The following SEPTIN9 variants were observed in gnomAD, a reference collection of about 807,000 sequenced individuals.
SEPTIN9 encodes the protein septin-9.
In SEPTIN9, 13 loss-of-function variants were observed where a neutral mutation model predicts 56.6. That is an observed-to-expected ratio of 0.23 (90% CI 0.15 to 0.37). SEPTIN9 has a LOEUF of 0.37. SEPTIN9 is among the 10% of genes least tolerant of loss of function. The pLI is 1.00. For missense variants in SEPTIN9, 650 were observed against 823.1 expected, an observed-to-expected ratio of 0.79 and a Z score of 2.57; for synonymous variants, 332 against 334.1, an observed-to-expected ratio of 0.99 and a Z score of 0.07.
rs967105525 is a variant in SEPTIN9 at position 77,492,337 on chromosome 17, G to T, written c.1381-284G>T. Among the ~76,000 whole-genome samples the T allele has an allele frequency of 6.6e-6, 1 of 152,116 alleles. No homozygotes were observed. The highest frequency in any genetic ancestry group is 2.1e-4 in the South Asian group (1 of 4,828). Reference sequence around the variant, plus strand: ...TCTCGGTAACCCTGAGTACTTTCTTGGGGCTGTGATGAGCAGGAGAAGAGA... The same window carrying T: ...TCTCGGTAACCCTGAGTACTTTCTTTGGGCTGTGATGAGCAGGAGAAGAGA... On this transcript the variant is annotated intron_variant, in intron 8 of 11. Transcript: ENST00000427177. This position sits in a 1 kb window ranked among gnomAD's most constrained non-coding sequence, Gnocchi z 5.4.
Position 77,436,318 on chromosome 17 carries a change from T to C in SEPTIN9, c.721+33615T>C. Among the ~76,000 whole-genome samples the C allele has an allele frequency of 6.6e-6, 1 of 152,184 alleles. No individual in the cohort carries two copies. The highest frequency in any genetic ancestry group is 1.9e-4 in the East Asian group (1 of 5,188). On this transcript the variant is annotated intron_variant, in intron 3 of 11. Coordinates refer to ENST00000427177, the MANE Select transcript of SEPTIN9 (RefSeq NM_001113491.2). This position sits in a 1 kb window ranked among gnomAD's most constrained non-coding sequence, Gnocchi z 4.4. ...ACAGTCCCCTCTGAGCCACCCTGCA[T>C]GTTTCATTCCACCGACTTCTGCAGC...
At chr17:77,363,211 G>A (rs1348824632) in intron 2 of SEPTIN9, among the ~76,000 whole-genome samples, 1 of 152,114 alleles carries the variant, frequency 6.6e-6, no homozygotes, top group African/African-American at 2.4e-5. Context: ...CCTGGGGAAG[G>A]CACGAGTCAG....
chr17:77,467,112 T>C (rs937843002), intron 3 of SEPTIN9, among the ~76,000 whole-genome samples: 3 of 152,244 alleles, frequency 2.0e-5, no homozygotes, highest in Non-Finnish European at 4.4e-5. Flanking sequence ...AGGCTTTTCA[T>C]GCAGGACGGC....
At position 77,450,137 on chromosome 17, in the gene SEPTIN9, A is replaced by G. The variant is rs920266205; in HGVS notation, c.722-32007A>G. ...TGAGGGTGGGGAGGGCCGTGGGACC[A>G]GGAGGCCTTAGGGGGAAAGTTGGCC... is the stretch of plus-strand genomic sequence containing the variant. On this transcript the variant is annotated intron_variant, in intron 3 of 11. Transcript: ENST00000427177. The surrounding 1 kb of genome is among the most constrained non-coding windows in gnomAD (Gnocchi z 6.0). Among the ~76,000 whole-genome samples the G allele has an allele frequency of 1.3e-5, 2 of 152,160 alleles. No individual in the cohort carries two copies. The highest frequency in any genetic ancestry group is 3.2e-3 in the Middle Eastern group (1 of 316).
intron 3 of SEPTIN9, among the ~76,000 whole-genome samples, chr17:77,473,870 G>C (rs2039105976): frequency 6.6e-6 from 1 of 152,208 alleles, no homozygotes; most frequent in African/African-American, 2.4e-5. Flanking sequence ...TTATGGTCCT[G>C]GTCCACTAGG....
intron 4 of SEPTIN9, 62 bp downstream of exon 4, chr17:77,482,397 G>A (rs771470984): frequency 1.7e-5 from 27 of 1,549,160 alleles, no homozygotes; most frequent in East Asian, 6.8e-5. Context: ...CCCCCAGGGC[G>A]GCCCACAAGC....
chr17:77,282,405 A>G (rs1267077426), intron 1 of SEPTIN9, among the ~76,000 whole-genome samples: 2 of 152,080 alleles, frequency 1.3e-5, no homozygotes, highest in African/African-American at 4.8e-5. Context: ...CTAAATCTAG[A>G]AACCGTTTGT....
rs1345875612 is a variant in SEPTIN9 at position 77,402,188 on chromosome 17, A to G, written c.206A>G (p.Lys69Arg). The G allele has an allele frequency of 5.0e-6, 8 of 1,613,638 alleles. No individual in the cohort carries two copies. In the African/African-American group the frequency reaches 1.1e-4, roughly 22 times the overall value. ...CAGAAATTCCAGGACCTGGGCGTGAAGAACTCAGAACCCTCGGCCCGCCAT... is the reference window on the plus strand; with the variant it reads ...CAGAAATTCCAGGACCTGGGCGTGAGGAACTCAGAACCCTCGGCCCGCCAT... ...STQKFQDLGV[K>R]NSEPSARHVD... The change falls in exon 3 of 12, where the codon AAG becomes AGG. Residue 69 changes from lysine to arginine, a missense_variant. Physicochemically the swap from Lys to Arg is conservative, Grantham distance 26 (BLOSUM62 2). Coordinates refer to ENST00000427177, the MANE Select transcript of SEPTIN9 (RefSeq NM_001113491.2). The surrounding 1 kb of genome is among the most constrained non-coding windows in gnomAD (Gnocchi z 6.6).
chr17:77,457,642 G>A (rs2038273919), intron 3 of SEPTIN9, among the ~76,000 whole-genome samples: 1 of 152,236 alleles, frequency 6.6e-6, no homozygotes, highest in African/African-American at 2.4e-5. Flanking sequence ...ACAGCCGATA[G>A]TGGTGGAAAC....
At chr17:77,336,781 C>T (rs892133151) in intron 2 of SEPTIN9, among the ~76,000 whole-genome samples, 8 of 152,060 alleles carry the variant, frequency 5.3e-5, no homozygotes, top group Middle Eastern at 3.4e-3. Context: ...TAGTGGACAT[C>T]CTTGCCTGTG....
At chr17:77,346,689 C>A (rs937009808) in intron 2 of SEPTIN9, among the ~76,000 whole-genome samples, 2 of 152,058 alleles carry the variant, frequency 1.3e-5, no homozygotes, top group African/African-American at 4.8e-5. Flanking sequence ...CTGATTAGGT[C>A]AATTGCTAGT....
chr17:77,451,492 C>G lies in SEPTIN9; in HGVS notation c.722-30652C>G, dbSNP rs983932005. The G allele has an allele frequency of 2.1e-5, 21 of 985,686 alleles. No individual in the cohort carries two copies. The highest frequency in any genetic ancestry group is 9.4e-5 in the South Asian group (2 of 21,302). 61.1% of individuals were successfully genotyped at this position (985,686 alleles called of 1,614,324 possible). On this transcript the variant is annotated intron_variant, in intron 3 of 11. Coordinates refer to ENST00000427177, the MANE Select transcript of SEPTIN9 (RefSeq NM_001113491.2). The surrounding 1 kb of genome is among the most constrained non-coding windows in gnomAD (Gnocchi z 4.2). ...GACCCGGTGGGCGGGCCGCGGCTCT[C>G]GGCGCGTCCAGCGCAGCCCGACGTT...
chr17:77,321,719 C>T (rs1230188320), intron 2 of SEPTIN9, among the ~76,000 whole-genome samples: 3 of 152,192 alleles, frequency 2.0e-5, no homozygotes, highest in Non-Finnish European at 4.4e-5. Context: ...CACGTTGGGA[C>T]TGGTGGAGCG....
rs2039820664 is a variant in SEPTIN9, at chr17:77,487,006, C to G, written c.914-418C>G. Among the ~76,000 whole-genome samples the G allele has an allele frequency of 6.6e-6, 1 of 152,192 alleles. No individual in the cohort carries two copies. Among genetic ancestry groups the G allele is most frequent in the African/African-American group, 2.4e-5 (1 of 41,436 alleles). ...ACACCTGGGCTTTGGTTGCAACCAC[C>G]CTGGTGAACTGCAGGAATCCCGGCC... On this transcript the variant is annotated intron_variant, in intron 4 of 11. Coordinates refer to ENST00000427177, the MANE Select transcript of SEPTIN9 (RefSeq NM_001113491.2). This position sits in a 1 kb window ranked among gnomAD's most constrained non-coding sequence, Gnocchi z 4.3.
At chr17:77,360,710 G>A (rs937713694) in intron 2 of SEPTIN9, among the ~76,000 whole-genome samples, 6 of 151,970 alleles carry the variant, frequency 3.9e-5, no homozygotes, top group East Asian at 3.9e-4. Context: ...GACTACAGGC[G>A]CCCGCCACCA....
At chr17:77,493,746 TGTCCC>T (rs2040135370) in intron 10 of SEPTIN9, among the ~76,000 whole-genome samples, 3 of 150,430 alleles carry the variant, frequency 2.0e-5, no homozygotes, top group Admixed American at 2.0e-4. Flanking sequence ...CCTGTGTCTC[TGTCCC>T]GTCCCTCCTC....
rs919349242 is a variant in SEPTIN9, at chr17:77,421,785, T to C, written c.721+19082T>C. On this transcript the variant is annotated intron_variant, in intron 3 of 11. Coordinates refer to ENST00000427177, the MANE Select transcript of SEPTIN9 (RefSeq NM_001113491.2). The surrounding 1 kb of genome is among the most constrained non-coding windows in gnomAD (Gnocchi z 4.6). ...GTGGATGGGTCTTCACCCTCGGGGA[T>C]TGGCAGCTGCCACGCTCATTTCACA... 6.6e-6 allele frequency among the ~76,000 whole-genome samples: 1 copy of C among 152,080 alleles called. No individual in the cohort carries two copies. Among genetic ancestry groups the C allele is most frequent in the Admixed American group, 6.6e-5 (1 of 15,262 alleles).
intron 10 of SEPTIN9, among the ~76,000 whole-genome samples, chr17:77,495,556 G>A (rs576594767): frequency 1.4e-4 from 21 of 152,338 alleles, no homozygotes; most frequent in Admixed American, 6.5e-4. Flanking sequence ...GGCGGGTGAC[G>A]TTATTATCCA....
rs779688497 is a variant in SEPTIN9 at position 77,429,177 on chromosome 17, AAGGCTGAGGCCG to A, written c.721+26485_721+26496del. 8 of 472,072 alleles carry A rather than the reference AAGGCTGAGGCCG, an allele frequency of 1.7e-5. No individual in the cohort carries two copies. Among genetic ancestry groups the A allele is most frequent in the African/African-American group, 6.0e-5 (3 of 50,108 alleles). The allele number at this position is 472,072 out of a possible 1,614,324, so 29.2% of individuals were successfully genotyped here. A position where few individuals can be genotyped will look rare whatever the true frequency, so the allele number is the denominator to read the frequency against. ...GTCTGCAGCTCCTGAGGCCAAGACCAAGGCTGAGGCCGAGGCTGAGGCTGAGGCCACCTTGGT... is the reference window on the plus strand; with the variant it reads ...GTCTGCAGCTCCTGAGGCCAAGACCAAGGCTGAGGCTGAGGCCACCTTGGT... On this transcript the variant is annotated intron_variant, in intron 3 of 11. Coordinates refer to ENST00000427177, the MANE Select transcript of SEPTIN9 (RefSeq NM_001113491.2). The surrounding 1 kb of genome is among the most constrained non-coding windows in gnomAD (Gnocchi z 5.2).
Sources: allele counts gnomAD v4.1 joint callset (sites outside exome capture counted in the v4.1 genomes callset), GRCh38; gene constraint gnomAD v4.1.1; non-coding constraint Gnocchi (gnomAD v3.1); transcripts MANE v1.5; gene names NCBI Gene and HGNC (gene_info 2026-07-23, HGNC 2026-07-21).